FRMPD4: variants seen among roughly 807,000 people sequenced by gnomAD.
FRMPD4 encodes FERM and PDZ domain containing 4, also known as FERM and PDZ domain-containing protein 4.
In FRMPD4, 22 loss-of-function variants were observed where a neutral mutation model predicts 94.1. The ratio of observed to expected loss-of-function variants is 0.23; its 90% CI spans 0.17 to 0.33. The LOEUF is 0.33. Ranked by LOEUF, FRMPD4 falls within the 10% of genes least tolerant of loss-of-function variation. The probability of loss-of-function intolerance (pLI) is 1.00; values close to 1 mark genes in which losing one functional copy is unlikely to be tolerated. For missense variants in FRMPD4, 1,111 were observed against 1,339.9 expected (o/e 0.83, Z 2.67); for synonymous variants, 631 against 548.6 (o/e 1.15, Z -2.10).
chrX:12,215,840 A>G, intron 1 of FRMPD4, among the ~76,000 whole-genome samples: 1 of 111,901 alleles, frequency 8.9e-6, no homozygotes, highest in East Asian at 2.8e-4. Context: ...ACCAAACTAC[A>G]TCCTGTGGGC....
chrX:11,876,878 G>A (rs1049252531), intron 2 of FRMPD4, among the ~76,000 whole-genome samples: 21 of 112,422 alleles, frequency 1.9e-4, no homozygotes, highest in African/African-American at 6.8e-4. Flanking sequence ...TGCTTCCCAG[G>A]AATATTTGGC....
intron 2 of FRMPD4, among the ~76,000 whole-genome samples, chrX:12,595,647 T>C (rs1014068743): frequency 5.3e-5 from 6 of 112,178 alleles, no homozygotes; most frequent in Non-Finnish European, 1.1e-4. Flanking sequence ...GAAGTAAAAA[T>C]GTTCTTTGAG....
intron 3 of FRMPD4, among the ~76,000 whole-genome samples, chrX:11,906,125 T>G (rs994943033): frequency 1.6e-4 from 16 of 100,533 alleles, no homozygotes; most frequent in African/African-American, 5.0e-4. Flanking sequence ...TTTTATTTAT[T>G]TATTTATTTA....
intron 3 of FRMPD4, among the ~76,000 whole-genome samples, chrX:12,002,434 C>T (rs767305688): frequency 1.8e-5 from 2 of 112,057 alleles, no homozygotes; most frequent in South Asian, 7.4e-4. Context: ...GCTATGGACT[C>T]ATTTAAAACA....
At position 11,966,212 on chromosome X, in the gene FRMPD4, C is replaced by A. The variant is rs186840323; in HGVS notation, c.95+88194C>A. Among the ~76,000 whole-genome samples, 136 of 111,322 alleles carry A rather than the reference C, an allele frequency of 1.2e-3. 1 individual carries two copies. Among genetic ancestry groups the A allele is most frequent in the Non-Finnish European group, 1.3e-3 (67 of 52,996 alleles). On this transcript the variant is annotated intron_variant, in intron 3 of 18. Transcript: ENST00000640291. Reference sequence around the variant, plus strand: ...GTGCCCCCCACATTCATATGTTGAACCCTAATCCCTATTGTGGTTATATTA... The same window carrying A: ...GTGCCCCCCACATTCATATGTTGAAACCTAATCCCTATTGTGGTTATATTA...
At chrX:12,579,703 A>T (rs975883122) in intron 2 of FRMPD4, among the ~76,000 whole-genome samples, 2 of 112,128 alleles carry the variant, frequency 1.8e-5, no homozygotes, top group African/African-American at 3.2e-5. Flanking sequence ...CTGATTATTG[A>T]GTTAGTACCT....
At chrX:12,500,085 T>G (rs924200400) in intron 2 of FRMPD4, among the ~76,000 whole-genome samples, 2 of 111,533 alleles carry the variant, frequency 1.8e-5, no homozygotes, top group South Asian at 3.9e-4. Context: ...GGGTCCATAC[T>G]GCCCTTTTTC....
At chrX:11,856,581 C>G (rs2053655164) in intron 1 of FRMPD4, among the ~76,000 whole-genome samples, 1 of 111,675 alleles carries the variant, frequency 9.0e-6, no homozygotes, top group Non-Finnish European at 1.9e-5. Context: ...CCATAAATGA[C>G]AAACCCATAG....
intron 2 of FRMPD4, among the ~76,000 whole-genome samples, chrX:12,577,305 T>G (rs1220363077): frequency 9.0e-6 from 1 of 111,057 alleles, no homozygotes; most frequent in Non-Finnish European, 1.9e-5. Context: ...ATATGATACA[T>G]GCAATGGGAG....
rs980809337 is a variant in FRMPD4, at chrX:12,724,335, C to T, written c.*2477C>T. On this transcript the variant is annotated 3_prime_UTR_variant, in exon 17 of 17. Transcript: ENST00000675598. ...TATTCAGAAAACCTCAAGGGGCCCC[C>T]ACATTCACTAAGCATGGGGCTCCTA... The T allele has an allele frequency of 9.0e-6, 1 of 111,543 alleles. No homozygotes were observed. The highest frequency in any genetic ancestry group is 3.3e-5 in the African/African-American group (1 of 30,747). 9.2% of individuals were successfully genotyped at this position (111,543 alleles called of 1,213,427 possible). A position where few individuals can be genotyped will look rare whatever the true frequency, so the allele number is the denominator to read the frequency against.
At chrX:12,583,532 G>T in intron 2 of FRMPD4, 1 of 1,034,977 alleles carries the variant, frequency 9.7e-7, no homozygotes, top group Non-Finnish European at 1.3e-6. Flanking sequence ...CCCATATTAT[G>T]ATCCTCATAA....
intron 2 of FRMPD4, among the ~76,000 whole-genome samples, chrX:12,539,131 A>G (rs1242917076): frequency 8.9e-6 from 1 of 112,598 alleles, no homozygotes; most frequent in Non-Finnish European, 1.9e-5. Context: ...CGAGAACTAC[A>G]TGACGCTTGC....
At chrX:12,422,206 C>T (rs1376146340) in intron 1 of FRMPD4, among the ~76,000 whole-genome samples, 2 of 111,972 alleles carry the variant, frequency 1.8e-5, no homozygotes, top group Non-Finnish European at 3.8e-5. Context: ...TTGAAGGACT[C>T]AGCTCATTAT....
chrX:12,164,446 G>A (rs1211257499), intron 1 of FRMPD4, among the ~76,000 whole-genome samples: 44 of 112,129 alleles, frequency 3.9e-4, no homozygotes, highest in South Asian at 1.5e-3. Context: ...CCAGTCTATC[G>A]TTGTTGGACA....
chrX:11,921,482 G>T (rs963393006), intron 3 of FRMPD4, among the ~76,000 whole-genome samples: 1 of 110,651 alleles, frequency 9.0e-6, no homozygotes, highest in African/African-American at 3.3e-5. Flanking sequence ...TTATGCATTT[G>T]TGGGGGGACA....
At chrX:12,319,582 C>A (rs1254801799) in intron 1 of FRMPD4, among the ~76,000 whole-genome samples, 1 of 111,981 alleles carries the variant, frequency 8.9e-6, no homozygotes, top group Non-Finnish European at 1.9e-5. Flanking sequence ...ATCATTCTTA[C>A]CTGCAAGTTC....
At chrX:12,219,229 C>T (rs1308649572) in intron 1 of FRMPD4, among the ~76,000 whole-genome samples, 4 of 111,358 alleles carry the variant, frequency 3.6e-5, no homozygotes. Context: ...ATTAGCTGGG[C>T]ACAGTGGTAT....
intron 1 of FRMPD4, among the ~76,000 whole-genome samples, chrX:12,198,046 C>A (rs770898181): frequency 8.9e-6 from 1 of 111,935 alleles, no homozygotes; most frequent in South Asian, 3.7e-4. Flanking sequence ...TTGCCATATT[C>A]TCTTAAATAA....
intron 1 of FRMPD4, among the ~76,000 whole-genome samples, chrX:12,249,719 T>A (rs1013384956): frequency 3.2e-4 from 36 of 111,520 alleles, no homozygotes; most frequent in Non-Finnish European, 6.4e-4. Flanking sequence ...AGAAGACCAT[T>A]TGGGCAGTTT....
Sources: gnomAD v4.1 joint callset for allele counts (sites outside exome capture counted in the v4.1 genomes callset) on GRCh38, gnomAD v4.1.1 for gene constraint, MANE v1.5 for transcripts, NCBI Gene and HGNC (gene_info 2026-07-23, HGNC 2026-07-21) for gene names.